CDH26: variants seen among roughly 807,000 people sequenced by gnomAD.
The protein encoded by CDH26 is cadherin 26.
In CDH26, 83 loss-of-function variants were observed where a neutral mutation model predicts 90.3. The ratio of observed to expected loss-of-function variants is 0.92; its 90% CI spans 0.77 to 1.10. CDH26 has a LOEUF of 1.10. CDH26 is among the 50% of genes least tolerant of loss of function. The probability of loss-of-function intolerance (pLI) is 0.00; values close to 1 mark genes in which losing one functional copy is unlikely to be tolerated. For missense variants in CDH26, 1,013 were observed against 1,037.6 expected (o/e 0.98, Z 0.33); for synonymous variants, 397 against 396.3 (o/e 1.00, Z -0.02).
At chr20:60,022,609 T>C (rs1228541104) in intron 7 of CDH26, among the ~76,000 whole-genome samples, 1 of 152,236 alleles carries the variant, frequency 6.6e-6, no homozygotes, top group Non-Finnish European at 1.5e-5. Flanking sequence ...AGATGACCTG[T>C]GGCAGCCGTC....
intron 1 of CDH26, among the ~76,000 whole-genome samples, chr20:59,967,891 T>TTC (rs2061183561): frequency 7.9e-6 from 1 of 126,488 alleles, no homozygotes; most frequent in African/African-American, 3.7e-5. Context: ...CTTCCTTCCT[T>TTC]CCTTCCTTCC....
intron 7 of CDH26, among the ~76,000 whole-genome samples, chr20:60,026,973 G>A (rs1161112256): frequency 1.3e-5 from 2 of 152,186 alleles, no homozygotes; most frequent in African/African-American, 2.4e-5. Flanking sequence ...GTGATATGGC[G>A]ACTATTGGTA....
At chr20:59,977,921 C>A (rs1397695032) in intron 4 of CDH26, among the ~76,000 whole-genome samples, 1 of 152,188 alleles carries the variant, frequency 6.6e-6, no homozygotes, top group Non-Finnish European at 1.5e-5. Context: ...TGCCCATTCA[C>A]CCCTCCCTAC....
intron 3 of CDH26, among the ~76,000 whole-genome samples, chr20:59,971,337 G>C (rs932171474): frequency 6.6e-6 from 1 of 152,104 alleles, no homozygotes; most frequent in Non-Finnish European, 1.5e-5. Context: ...GATTTTTAAC[G>C]TGTCCTCATC....
chr20:59,959,116 G>A lies in CDH26; in HGVS notation c.69+321G>A, dbSNP rs138053274. 5.3e-5 allele frequency among the ~76,000 whole-genome samples: 8 copies of A among 152,198 alleles called. No individual in the cohort carries two copies. The East Asian group carries it at 1.5e-3, about 29-fold the overall frequency. The stretch of plus-strand genomic sequence containing the variant: ...TCTTTCTTTGTTTCTTTCTCCTTTT[G>A]TTGAGACAGGGTCTGGCTTCATCAT... On this transcript the variant is annotated intron_variant, in intron 1 of 17. Transcript: ENST00000348616.
At chr20:60,034,291 G>A (rs1331817832), downstream of CDH26, among the ~76,000 whole-genome samples, 1 of 152,200 alleles carries the variant, frequency 6.6e-6, no homozygotes, top group Non-Finnish European at 1.5e-5. Flanking sequence ...CTCTGCCACT[G>A]CTCACCATGA....
In CDH26 at chr20:59,992,051, C is replaced by T. The variant is rs1469395644; in HGVS notation, c.1284-327C>T. 6.6e-6 allele frequency among the ~76,000 whole-genome samples: 1 copy of T among 152,212 alleles called. No homozygotes were observed. The highest frequency in any genetic ancestry group is 1.5e-5 in the Non-Finnish European group (1 of 68,038). On this transcript the variant is annotated intron_variant, in intron 9 of 17. Coordinates refer to ENST00000348616, the MANE Select transcript of CDH26 (RefSeq NM_177980.4). The surrounding 1 kb of genome is among the most constrained non-coding windows in gnomAD (Gnocchi z 5.0). ...TTTCACACTAAGCTAACATCATCTA[C>T]AGGCCACTGAAGATGGGTTCCTTTC...
chr20:59,981,954 C>T (rs1332886213), intron 4 of CDH26, among the ~76,000 whole-genome samples: 1 of 151,952 alleles, frequency 6.6e-6, no homozygotes, highest in Non-Finnish European at 1.5e-5. Flanking sequence ...ATATATAGGA[C>T]TATACAGGTT....
At chr20:59,998,063 C>T (rs17788900) in intron 13 of CDH26, among the ~76,000 whole-genome samples, 1,701 of 152,370 alleles carry the variant, frequency 0.011, 17 homozygotes, top group Middle Eastern at 0.024. Flanking sequence ...GGAATCTCCG[C>T]ATCCCAAATG....
intron 1 of CDH26, among the ~76,000 whole-genome samples, chr20:59,961,662 C>T (rs1412535739): frequency 1.3e-5 from 2 of 152,158 alleles, no homozygotes; most frequent in Non-Finnish European, 2.9e-5. Context: ...CAATAGTTTT[C>T]CTCTGAAATC....
At chr20:59,965,137 T>A (rs563027036) in intron 1 of CDH26, among the ~76,000 whole-genome samples, 2 of 152,266 alleles carry the variant, frequency 1.3e-5, no homozygotes, top group East Asian at 1.9e-4. Context: ...TTCCTTCAGG[T>A]AAATAGACAG....
chr20:59,984,639 G>T lies in CDH26; in HGVS notation c.542G>T (p.Gly181Val). The T allele has an allele frequency of 1.2e-6, 2 of 1,605,756 alleles. No individual in the cohort carries two copies. Among genetic ancestry groups the T allele is most frequent in the Non-Finnish European group, 8.5e-7 (1 of 1,177,448 alleles). The change falls in exon 6 of 18, where the codon GGG (glycine) becomes GTG (valine). Residue 181 changes from glycine to valine, a missense_variant and splice_region_variant. Physicochemically the swap from Gly to Val is moderately radical, Grantham distance 109. Coordinates refer to ENST00000348616, the MANE Select transcript of CDH26 (RefSeq NM_177980.4). ...AACAATTTTTAAAAATTCTTTCTAGGGCAACCTATTTTTCAGATGTTAGCA... is the reference window on the plus strand; with the variant it reads ...AACAATTTTTAAAAATTCTTTCTAGTGCAACCTATTTTTCAGATGTTAGCA... ...NITVQENQSAGQPIFQMLAVD... is the reference protein window; with the variant it reads ...NITVQENQSAVQPIFQMLAVD...
At chr20:60,008,522 G>A (rs1459564453) in intron 17 of CDH26, among the ~76,000 whole-genome samples, 1 of 152,150 alleles carries the variant, frequency 6.6e-6, no homozygotes, top group Non-Finnish European at 1.5e-5. Context: ...GGTCTGGGGT[G>A]CGCATCTGAG....
At chr20:59,962,378 C>T (rs2061086489) in intron 1 of CDH26, among the ~76,000 whole-genome samples, 1 of 152,240 alleles carries the variant, frequency 6.6e-6, no homozygotes, top group African/African-American at 2.4e-5. Context: ...CCGTCTGAGA[C>T]TGGGAGGACC....
In CDH26 at chr20:59,992,156, G is replaced by A. The variant is rs1353793105; in HGVS notation, c.1284-222G>A. Among the ~76,000 whole-genome samples the A allele has an allele frequency of 1.3e-5, 2 of 152,206 alleles. No individual in the cohort carries two copies. Among genetic ancestry groups the A allele is most frequent in the Non-Finnish European group, 2.9e-5 (2 of 68,046 alleles). On this transcript the variant is annotated intron_variant, in intron 9 of 17. Transcript: ENST00000348616. The surrounding 1 kb of genome is among the most constrained non-coding windows in gnomAD (Gnocchi z 5.0). ...GGGGACGCTTGGTCTTCTGGTGAAT[G>A]TCAATTCCACAGACCTAGGAGAGTC...
chr20:59,992,373 A>G lies in CDH26; in HGVS notation c.1284-5A>G. On this transcript the variant is annotated splice_region_variant and splice_polypyrimidine_tract_variant and intron_variant, in intron 9 of 17. Coordinates refer to ENST00000348616, the MANE Select transcript of CDH26 (RefSeq NM_177980.4). The surrounding 1 kb of genome is among the most constrained non-coding windows in gnomAD (Gnocchi z 5.0). ...AAAAATTGCTGTCCGTTTTCCTTCT[A>G]CAAGATATGAACTGGTTCATGACCC... 12 of 1,604,190 alleles carry G rather than the reference A, an allele frequency of 7.5e-6. No individual in the cohort carries two copies. The highest frequency in any genetic ancestry group is 1.0e-5 in the Non-Finnish European group (12 of 1,177,288).
At chr20:60,021,887 CACACACACACAT>C (rs1569068738) in intron 7 of CDH26, among the ~76,000 whole-genome samples, 9 of 88,132 alleles carry the variant, frequency 1.0e-4, no homozygotes, top group South Asian at 7.3e-4. Flanking sequence ...CACACACACA[CACACACACACAT>C]ATATATATAT....
intron 12 of CDH26, 31 bp from the exon 13 acceptor site, chr20:59,996,600 T>A: frequency 6.2e-7 from 1 of 1,614,242 alleles, no homozygotes; most frequent in African/African-American, 1.3e-5. Context: ...TGAGCTTGTC[T>A]AATCTGTTTT....
intron 1 of CDH26, among the ~76,000 whole-genome samples, chr20:59,967,905 CTTCCTTTCCTTTCCTTTCCT>C (rs749471979): frequency 4.5e-5 from 5 of 112,176 alleles, no homozygotes; most frequent in Admixed American, 2.5e-4. Context: ...TCCTTCCTTC[CTTCCTTTCCTTTCCTTTCCT>C]TTCCTTTCCC....
Sources: gnomAD v4.1 joint callset for allele counts (sites outside exome capture counted in the v4.1 genomes callset) on GRCh38, gnomAD v4.1.1 for gene constraint, Gnocchi (gnomAD v3.1) non-coding constraint, MANE v1.5 for transcripts, NCBI Gene and HGNC (gene_info 2026-07-23, HGNC 2026-07-21) for gene names.